SOS1: variants seen among roughly 807,000 people sequenced by gnomAD.
The protein encoded by SOS1 is son of sevenless homolog 1.
A neutral mutation model predicts 157.6 loss-of-function variants in SOS1; 25 were observed. The ratio of observed to expected loss-of-function variants is 0.16; its 90% CI spans 0.12 to 0.22. The LOEUF is 0.22. Ranked by LOEUF, SOS1 falls within the 10% of genes least tolerant of loss-of-function variation. The pLI, the probability that SOS1 is intolerant of heterozygous loss-of-function variation, is 1.00. For synonymous variants in SOS1, 528 were observed against 534.0 expected (o/e 0.99, Z 0.16); for missense variants, 1,237 against 1,599.1 (o/e 0.77, Z 3.86).
intron 6 of SOS1, among the ~76,000 whole-genome samples, chr2:39,036,912 C>T (rs1223941296): frequency 6.6e-6 from 1 of 151,942 alleles, no homozygotes; most frequent in African/African-American, 2.4e-5. Context: ...CTCAAGTGAT[C>T]CTCCTGCCTC....
At chr2:39,082,894 T>C (rs565861539) in intron 1 of SOS1, among the ~76,000 whole-genome samples, 4 of 152,182 alleles carry the variant, frequency 2.6e-5, no homozygotes, top group East Asian at 1.9e-4. Flanking sequence ...AACAAAGATA[T>C]GGTTGGGGGT....
intron 1 of SOS1, among the ~76,000 whole-genome samples, chr2:39,072,598 A>AT (rs1404618315): frequency 6.6e-6 from 1 of 152,250 alleles, no homozygotes; most frequent in African/African-American, 2.4e-5. Context: ...ATTCTAGCAC[A>AT]TATAATTCAA....
Position 39,120,337 on chromosome 2 carries a change from T to C in SOS1, c.86A>G (p.Lys29Arg). ...AGCGGGGTCCCGCGTGCTCCTCACC[T>C]TTTTCAGCGCAGGCACCAGTAGTCC... Reference protein sequence around the residue: ...WRGLLVPALKKVQGQVHPTLE... With the variant: ...WRGLLVPALKRVQGQVHPTLE... Residue 29 changes from lysine (K) to arginine (R), a missense_variant and splice_region_variant, in exon 1 of 23, where the codon AAG (lysine) becomes AGG (arginine). By Grantham distance (26) the Lys-to-Arg change is conservative (BLOSUM62 2). Transcript: ENST00000402219. 1 of 1,575,868 alleles carries C rather than the reference T, an allele frequency of 6.3e-7. No individual in the cohort carries two copies. The highest frequency in any genetic ancestry group is 8.6e-7 in the Non-Finnish European group (1 of 1,161,120).
intron 1 of SOS1, among the ~76,000 whole-genome samples, chr2:39,071,611 C>T (rs1420901360): frequency 6.6e-6 from 1 of 152,098 alleles, no homozygotes; most frequent in Non-Finnish European, 1.5e-5. Context: ...ATTCGAATTA[C>T]CTTTTAAAAA....
intron 2 of SOS1, among the ~76,000 whole-genome samples, chr2:39,066,428 CTCTT>C (rs1190103036): frequency 2.0e-5 from 3 of 152,284 alleles, no homozygotes; most frequent in East Asian, 1.9e-4. Context: ...TGCCAGGGAA[CTCTT>C]TCTATTTCTA....
Position 39,054,480 on chromosome 2 carries a change from T to G in SOS1, c.720+134A>C, listed in dbSNP as rs1019107534. 12 of 629,852 alleles carry G rather than the reference T, an allele frequency of 1.9e-5. No individual in the cohort carries two copies. The Middle Eastern group carries it at 1.3e-3, about 67-fold the overall frequency. The allele number at this position is 629,852 out of a possible 1,614,324, so 39.0% of individuals were successfully genotyped here. A position where few individuals can be genotyped will look rare whatever the true frequency, so the allele number is the denominator to read the frequency against. ...CTCTTGAAACTGTTGTAAAACTTTG[T>G]GATCATGAATTAAGTCCCACAACTT... On this transcript the variant is annotated intron_variant, in intron 5 of 22. Coordinates refer to ENST00000402219, the MANE Select transcript of SOS1 (RefSeq NM_005633.4).
At chr2:39,016,581 G>T (rs527638097) in intron 10 of SOS1, among the ~76,000 whole-genome samples, 1 of 152,086 alleles carries the variant, frequency 6.6e-6, no homozygotes, top group Non-Finnish European at 1.5e-5. Context: ...ACTCAAAACA[G>T]CATGTTTAGG....
intron 6 of SOS1, among the ~76,000 whole-genome samples, chr2:39,037,360 CATCT>C (rs1313374394): frequency 6.6e-6 from 1 of 152,160 alleles, no homozygotes; most frequent in African/African-American, 2.4e-5. Flanking sequence ...TGTATACATT[CATCT>C]ATAAGTTGCC....
chr2:39,033,753 T>G (rs762966437), intron 8 of SOS1, among the ~76,000 whole-genome samples: 5 of 152,156 alleles, frequency 3.3e-5, no homozygotes, highest in Non-Finnish European at 5.9e-5. Flanking sequence ...CCCAAGCTGG[T>G]CTTGAACACC....
At chr2:39,056,437 G>T (rs1558492151) in intron 4 of SOS1, among the ~76,000 whole-genome samples, 2 of 151,856 alleles carry the variant, frequency 1.3e-5, no homozygotes, top group African/African-American at 4.8e-5. Context: ...AAAAAGAAAA[G>T]AAATTAACTA....
chr2:38,994,520 A>G (rs1572803856), intron 20 of SOS1, among the ~76,000 whole-genome samples: 2 of 152,186 alleles, frequency 1.3e-5, no homozygotes, highest in Admixed American at 1.3e-4. Flanking sequence ...GTGTACCCTG[A>G]CTAGTATTCA....
intron 17 of SOS1, 94 bp from the exon 18 acceptor site, chr2:38,997,519 C>G: frequency 2.6e-6 from 2 of 774,910 alleles, no homozygotes; most frequent in Non-Finnish European, 4.2e-6. Flanking sequence ...ACTGTACCAT[C>G]TCAGTTGCCA....
At chr2:38,995,627 AT>A (rs560905272) in intron 19 of SOS1, among the ~76,000 whole-genome samples, 2 of 152,342 alleles carry the variant, frequency 1.3e-5, no homozygotes, top group African/African-American at 4.8e-5. Context: ...AGTCCTATAA[AT>A]ACTAGAGTAT....
intron 1 of SOS1, among the ~76,000 whole-genome samples, chr2:39,071,544 T>G (rs1310373270): frequency 6.6e-6 from 1 of 152,214 alleles, no homozygotes; most frequent in African/African-American, 2.4e-5. Context: ...AAATCTGATA[T>G]AAATCTCAAA....
chr2:38,982,566 A>G lies in SOS1; in HGVS notation c.*3258T>C, dbSNP rs1259450081. 6.6e-6 allele frequency: 1 copy of G among 152,196 alleles called. No homozygotes were observed. The highest frequency in any genetic ancestry group is 2.4e-5 in the African/African-American group (1 of 41,464). 9.4% of individuals were successfully genotyped at this position (152,196 alleles called of 1,614,324 possible). On this transcript the variant is annotated 3_prime_UTR_variant, in exon 23 of 23. Transcript: ENST00000402219. The stretch of plus-strand genomic sequence containing the variant: ...ACAATATATGTTAAAAGAATAAGTA[A>G]ACCTATTCACAGCAGCAGAATACCA...
chr2:39,097,619 G>A (rs969935126), intron 1 of SOS1, among the ~76,000 whole-genome samples: 2 of 151,246 alleles, frequency 1.3e-5, no homozygotes, highest in African/African-American at 4.9e-5. Flanking sequence ...GTACAGCAGC[G>A]CCATCTCAGC....
rs186721620 is a variant in SOS1 at position 39,001,593 on chromosome 2, G to T, written c.2792-4168C>A. Reference sequence around the variant, plus strand: ...TCCCTGACCCTCCCCCAAAGAAGGGGTTTGAAAACCAGTATCCAGAATTTA... The same window carrying T: ...TCCCTGACCCTCCCCCAAAGAAGGGTTTTGAAAACCAGTATCCAGAATTTA... On this transcript the variant is annotated intron_variant, in intron 17 of 22. Transcript: ENST00000402219. Among the ~76,000 whole-genome samples, 715 of 152,308 alleles carry T rather than the reference G, an allele frequency of 4.7e-3. 10 individuals carry two copies. Among genetic ancestry groups the T allele is most frequent in the African/African-American group, 0.016 (671 of 41,566 alleles).
intron 21 of SOS1, 31 bp downstream of exon 21, chr2:38,989,239 G>GAATT: frequency 6.6e-7 from 1 of 1,508,552 alleles, no homozygotes; most frequent in South Asian, 1.1e-5. Flanking sequence ...GCCAAAGCAA[G>GAATT]AATTATGAGT....
intron 1 of SOS1, among the ~76,000 whole-genome samples, chr2:39,108,564 T>C (rs1289945473): frequency 2.0e-5 from 3 of 152,158 alleles, no homozygotes; most frequent in Admixed American, 6.5e-5. Flanking sequence ...CATTCATTCA[T>C]TCACCCATTT....
Sources: gnomAD v4.1 joint callset for allele counts (sites outside exome capture counted in the v4.1 genomes callset) on GRCh38, gnomAD v4.1.1 for gene constraint, MANE v1.5 for transcripts, NCBI Gene and HGNC (gene_info 2026-07-23, HGNC 2026-07-21) for gene names.